Variants in TBC1D10A observed in about 807,000 individuals in gnomAD.
TBC1D10A encodes the protein EBP50-PDX interactor of 64 kDa.
A neutral mutation model predicts 52.9 loss-of-function variants in TBC1D10A; 24 were observed. The ratio of observed to expected loss-of-function variants is 0.45; its 90% CI spans 0.33 to 0.64. TBC1D10A has a LOEUF of 0.64. Ranked by LOEUF, TBC1D10A falls within the 30% of genes least tolerant of loss-of-function variation. TBC1D10A has a pLI of 0.02. For missense variants in TBC1D10A, 602 were observed against 687.9 expected, an observed-to-expected ratio of 0.88 and a Z score of 1.40; for synonymous variants, 278 against 282.9, an observed-to-expected ratio of 0.98 and a Z score of 0.17.
rs1220654020 is a variant in TBC1D10A, at chr22:30,295,743, C to T, written c.518G>A (p.Gly173Asp). 8 of 1,611,840 alleles carry T rather than the reference C, an allele frequency of 5.0e-6. 1 individual carries two copies. The highest frequency in any genetic ancestry group is 2.2e-5 in the South Asian group (2 of 91,028). ...PFHEMFVSRG[G>D]HGQQDLFRVL... ...TGAGGCCCAGCCTGCTCACCCGTGG[C>T]CCCCCCGGGACACAAACATCTCATG... The change falls in exon 4 of 9, where the codon GGC (glycine) becomes GAC (aspartate). Residue 173 changes from glycine to aspartate, a missense_variant. This residue lies in a region of TBC1D10A where 136 missense variants were observed against 208.4 expected (regional missense o/e 0.65). Transcript: ENST00000215790.
intron 1 of TBC1D10A, among the ~76,000 whole-genome samples, chr22:30,317,832 G>A (rs1930570231): frequency 6.6e-6 from 1 of 152,156 alleles, no homozygotes; most frequent in Non-Finnish European, 1.5e-5. Flanking sequence ...CTTGTTTAAT[G>A]TCTGATTTCC....
At chr22:30,321,920 A>G (rs1930660149) in intron 1 of TBC1D10A, among the ~76,000 whole-genome samples, 1 of 151,254 alleles carries the variant, frequency 6.6e-6, no homozygotes, top group Admixed American at 6.6e-5. Context: ...CAGGAGGGGT[A>G]TCATCACTCC....
chr22:30,325,670 G>A (rs1176791686), intron 1 of TBC1D10A, among the ~76,000 whole-genome samples: 1 of 152,146 alleles, frequency 6.6e-6, no homozygotes, highest in African/African-American at 2.4e-5. Flanking sequence ...GGGGCAACAT[G>A]GGGCCCAGCT....
At chr22:30,316,750 C>A (rs1485908914) in intron 1 of TBC1D10A, among the ~76,000 whole-genome samples, 1 of 152,154 alleles carries the variant, frequency 6.6e-6, no homozygotes, top group Non-Finnish European at 1.5e-5. Context: ...ACTAAAGCTG[C>A]CTTAGTTGGC....
chr22:30,299,234 G>T lies in TBC1D10A; in HGVS notation c.417+210C>A, dbSNP rs899251197. The stretch of plus-strand genomic sequence containing the variant: ...TTCCACTGAGGGCTGCTCAGGGCTG[G>T]AGCCTCAGTTGTACAGACCCTCCAG... On this transcript the variant is annotated intron_variant, in intron 3 of 8. Transcript: ENST00000215790. 7 of 541,268 alleles carry T rather than the reference G, an allele frequency of 1.3e-5. No individual in the cohort carries two copies. In the South Asian group the frequency reaches 1.6e-4, roughly 12 times the overall value. 33.5% of individuals were successfully genotyped at this position (541,268 alleles called of 1,614,324 possible).
At position 30,294,986 on chromosome 22, in the gene TBC1D10A, G is replaced by C. The variant is rs1218050999; in HGVS notation, c.594C>G (p.Ala198=). ...LYRPEEGYCQ[A]QAPIAAVLLM... ...GCAAGACAGCGGCAATGGGCGCCTG[G>C]GCCTGGCAGTAGCCCTCCTCGGGCC... The change falls in exon 5 of 9, where the codon GCC becomes GCG. Residue 198 remains alanine (A), a synonymous_variant. Coordinates refer to ENST00000215790, the MANE Select transcript of TBC1D10A (RefSeq NM_031937.3). The C allele has an allele frequency of 6.2e-7, 1 of 1,614,088 alleles. No homozygotes were observed. The highest frequency in any genetic ancestry group is 8.5e-7 in the Non-Finnish European group (1 of 1,180,036).
rs757450426 is a variant in TBC1D10A at position 30,304,693 on chromosome 22, C to A, written c.210-63G>T. 9 of 1,586,296 alleles carry A rather than the reference C, an allele frequency of 5.7e-6. No individual in the cohort carries two copies. The African/African-American group carries it at 1.2e-4, about 21-fold the overall frequency. ...GGGAAGCAAAGGCCCTGGCTTCATT[C>A]CCAGCCGCCAGCCTGGTCAGACCTC... On this transcript the variant is annotated intron_variant, in intron 1 of 8. Transcript: ENST00000215790.
rs775825883 is a variant in TBC1D10A at position 30,292,126 on chromosome 22, A to AC, written c.*248dup. On this transcript the variant is annotated 3_prime_UTR_variant, in exon 9 of 9. Coordinates refer to ENST00000215790, the MANE Select transcript of TBC1D10A (RefSeq NM_031937.3). ...GGAGGAGGGGGCTGAAGGAGGCCCC[A>AC]CCCCCCAGGCCCTAGCTTCTGCCTG... 7 of 415,834 alleles carry AC rather than the reference A, an allele frequency of 1.7e-5. No homozygotes were observed. The highest frequency in any genetic ancestry group is 1.2e-4 in the African/African-American group (6 of 48,456). 25.8% of individuals were successfully genotyped at this position (415,834 alleles called of 1,614,324 possible). A position where few individuals can be genotyped will look rare whatever the true frequency, so the allele number is the denominator to read the frequency against.
intron 1 of TBC1D10A, among the ~76,000 whole-genome samples, chr22:30,320,803 A>C (rs933061781): frequency 6.6e-5 from 10 of 152,370 alleles, no homozygotes; most frequent in South Asian, 6.2e-4. Context: ...AAACCTCAGA[A>C]TGATCCTGCA....
intron 1 of TBC1D10A, among the ~76,000 whole-genome samples, chr22:30,314,540 T>C (rs145886927): frequency 2.0e-5 from 3 of 152,218 alleles, no homozygotes; most frequent in East Asian, 1.9e-4. Context: ...CCAGGCACAG[T>C]AGCTCACGCC....
rs892085426 is a variant in TBC1D10A, at chr22:30,326,926, C to G, written c.-45G>C. ...TGAGCTCCAGCGGCCACCTCAGCCG[C>G]CCTGCTGCCGCCGACGCCCCGCCCA... On this transcript the variant is annotated 5_prime_UTR_variant, in exon 1 of 9. Transcript: ENST00000215790. 2.9e-6 allele frequency: 4 copies of G among 1,387,994 alleles called. No homozygotes were observed. Among genetic ancestry groups the G allele is most frequent in the Middle Eastern group, 2.6e-4 (1 of 3,892 alleles). 86.0% of individuals were successfully genotyped at this position (1,387,994 alleles called of 1,614,324 possible).
chr22:30,295,079 G>A, intron 4 of TBC1D10A, 24 bp from the exon 5 acceptor site: 1 of 1,610,990 alleles, frequency 6.2e-7, no homozygotes, highest in Non-Finnish European at 8.5e-7. Flanking sequence ...GGGCAGAGCA[G>A]TGATGACCGG....
chr22:30,307,882 C>T (rs1719011982), intron 1 of TBC1D10A: 1 of 152,314 alleles, frequency 6.6e-6, no homozygotes, highest in Non-Finnish European at 1.5e-5. Flanking sequence ...GCAACGTCCG[C>T]CTTCCGGGTT....
intron 3 of TBC1D10A, 156 bp downstream of exon 3, chr22:30,299,288 T>C: frequency 1.4e-6 from 1 of 698,894 alleles, no homozygotes; most frequent in Non-Finnish European, 2.4e-6. Flanking sequence ...ACTGGGCCGG[T>C]CTGGCCTGCT....
In TBC1D10A at chr22:30,291,995, A is replaced by C; in HGVS notation, c.*380T>G. ...GCCCCTAGCTGTACACGAGCTCTCT[A>C]TACAAGGCTGTTTATTTCTGTACAA... On this transcript the variant is annotated 3_prime_UTR_variant, in exon 9 of 9. Coordinates refer to ENST00000215790, the MANE Select transcript of TBC1D10A (RefSeq NM_031937.3). 1 of 181,364 alleles carries C rather than the reference A, an allele frequency of 5.5e-6. No individual in the cohort carries two copies. The highest frequency in any genetic ancestry group is 1.1e-5 in the Non-Finnish European group (1 of 87,830). The allele number at this position is 181,364 out of a possible 1,614,324, so 11.2% of individuals were successfully genotyped here.
In TBC1D10A at chr22:30,326,715, T is replaced by C; in HGVS notation, c.167A>G (p.Asp56Gly). The C allele has an allele frequency of 6.5e-7, 1 of 1,543,754 alleles. No homozygotes were observed. Among genetic ancestry groups the C allele is most frequent in the Non-Finnish European group, 8.7e-7 (1 of 1,143,730 alleles). The change falls in exon 1 of 9, where the codon GAC becomes GGC. Residue 56 changes from aspartate (D) to glycine (G), a missense_variant. Physicochemically the swap from Asp to Gly is moderately conservative, Grantham distance 94. Around this residue, in one of 3 missense-constraint regions of TBC1D10A, gnomAD observed 201 missense variants for 204.4 expected, o/e 0.98. Coordinates refer to ENST00000215790, the MANE Select transcript of TBC1D10A (RefSeq NM_031937.3). ...EANGFAERRI[D>G]KFGFIVGSQG... ...CGAGCCCACGATGAAGCCGAACTTG[T>C]CGATGCGGCGCTCGGCGAAGCCGTT... is the stretch of plus-strand genomic sequence containing the variant.
chr22:30,314,034 T>C (rs965093973), intron 1 of TBC1D10A, among the ~76,000 whole-genome samples: 3 of 152,214 alleles, frequency 2.0e-5, no homozygotes, highest in Non-Finnish European at 4.4e-5. Flanking sequence ...TTAACTTACA[T>C]TATTTCATTT....
chr22:30,322,490 G>A (rs187831005), intron 1 of TBC1D10A, among the ~76,000 whole-genome samples: 3 of 146,926 alleles, frequency 2.0e-5, no homozygotes, highest in Admixed American at 1.4e-4. Flanking sequence ...ACAAGGTGAA[G>A]AAATGGAAAG....
At position 30,326,920 on chromosome 22, in the gene TBC1D10A, C is replaced by T. The variant is rs771115562; in HGVS notation, c.-39G>A. 7.1e-7 allele frequency: 1 copy of T among 1,409,630 alleles called. No homozygotes were observed. The highest frequency in any genetic ancestry group is 1.5e-5 in the African/African-American group (1 of 66,534). The allele number at this position is 1,409,630 out of a possible 1,614,324, so 87.3% of individuals were successfully genotyped here. A position where few individuals can be genotyped will look rare whatever the true frequency, so the allele number is the denominator to read the frequency against. ...GCCGCCTGAGCTCCAGCGGCCACCT[C>T]AGCCGCCCTGCTGCCGCCGACGCCC... On this transcript the variant is annotated 5_prime_UTR_variant, in exon 1 of 9. Transcript: ENST00000215790.
Sources: allele counts gnomAD v4.1 joint callset (sites outside exome capture counted in the v4.1 genomes callset), GRCh38; gene constraint gnomAD v4.1.1; regional missense constraint gnomAD v4.1.1; transcripts MANE v1.5; gene names NCBI Gene and HGNC (gene_info 2026-07-23, HGNC 2026-07-21).